AGAP1: variants seen among roughly 807,000 people sequenced by gnomAD.
AGAP1 encodes the protein arf-GAP with GTPase, ANK repeat and PH domain-containing protein 1.
AGAP1 carries 29 observed loss-of-function variants against 105.3 expected under a neutral mutation model. That is an observed-to-expected ratio of 0.28 (90% CI 0.21 to 0.38). AGAP1 has a LOEUF of 0.38. AGAP1 is among the 10% of genes least tolerant of loss of function. The pLI is 1.00. For missense variants in AGAP1, 998 were observed against 1,165.1 expected (o/e 0.86, Z 2.09); for synonymous variants, 509 against 485.9 (o/e 1.05, Z -0.63).
intron 8 of AGAP1, among the ~76,000 whole-genome samples, chr2:235,802,623 A>G (rs1957546643): frequency 6.7e-6 from 1 of 150,250 alleles, no homozygotes; most frequent in South Asian, 2.1e-4. Flanking sequence ...ACACTGAACA[A>G]AATGATGGTG....
At chr2:236,070,896 A>T (rs1320621384) in intron 16 of AGAP1, among the ~76,000 whole-genome samples, 1 of 152,202 alleles carries the variant, frequency 6.6e-6, no homozygotes, top group Non-Finnish European at 1.5e-5. Context: ...GAAAAATGCT[A>T]AAACCATTGA....
intron 16 of AGAP1, among the ~76,000 whole-genome samples, chr2:236,097,996 T>A (rs538077996): frequency 6.6e-6 from 1 of 152,204 alleles, no homozygotes; most frequent in African/African-American, 2.4e-5. Context: ...AGAATTTCTG[T>A]CCCTGAATAT....
chr2:235,720,955 T>C lies in AGAP1; in HGVS notation c.310+3311T>C, dbSNP rs1469300400. On this transcript the variant is annotated intron_variant, in intron 3 of 17. Transcript: ENST00000304032. The surrounding 1 kb of genome is among the most constrained non-coding windows in gnomAD (Gnocchi z 5.0). Reference sequence around the variant, plus strand: ...GTTGTATGATGCATTTTGGTTGATATTTTATTCTTGTAGTGAAGAGAGCCA... The same window carrying C: ...GTTGTATGATGCATTTTGGTTGATACTTTATTCTTGTAGTGAAGAGAGCCA... Among the ~76,000 whole-genome samples the C allele has an allele frequency of 6.6e-6, 1 of 152,220 alleles. No individual in the cohort carries two copies. The highest frequency in any genetic ancestry group is 2.4e-5 in the African/African-American group (1 of 41,464).
rs529050656 is a variant in AGAP1, at chr2:235,908,919, C to T, written c.1324+13C>T. 16 of 1,601,044 alleles carry T rather than the reference C, an allele frequency of 1.0e-5. No individual in the cohort carries two copies. In the South Asian group the frequency reaches 1.7e-4, roughly 17 times the overall value. Reference sequence around the variant, plus strand: ...TCACCCAATTCAGGTAAGCTTACAGCAAATGCACTAACAAATCAAGTTCAA... The same window carrying T: ...TCACCCAATTCAGGTAAGCTTACAGTAAATGCACTAACAAATCAAGTTCAA... On this transcript the variant is annotated intron_variant, in intron 11 of 17. Transcript: ENST00000304032. This position sits in a 1 kb window ranked among gnomAD's most constrained non-coding sequence, Gnocchi z 4.4.
rs544023160 is a variant in AGAP1 at position 235,712,496 on chromosome 2, C to T, written c.222+3259C>T. Among the ~76,000 whole-genome samples the T allele has an allele frequency of 6.6e-6, 1 of 152,340 alleles. No homozygotes were observed. Among genetic ancestry groups the T allele is most frequent in the African/African-American group, 2.4e-5 (1 of 41,574 alleles). ...CTTGCCTGTGTAGGGGACCTCAGTCCCCAGCTCCTCACATCCTATTTGTGT... is the reference window on the plus strand; with the variant it reads ...CTTGCCTGTGTAGGGGACCTCAGTCTCCAGCTCCTCACATCCTATTTGTGT... On this transcript the variant is annotated intron_variant, in intron 2 of 17. Transcript: ENST00000304032. This position sits in a 1 kb window ranked among gnomAD's most constrained non-coding sequence, Gnocchi z 6.0.
chr2:235,710,472 G>A (rs980432298), intron 2 of AGAP1, among the ~76,000 whole-genome samples: 5 of 152,294 alleles, frequency 3.3e-5, no homozygotes, highest in Middle Eastern at 6.8e-3. Context: ...GTCATCAGCT[G>A]GGCCCATCTC....
chr2:235,579,472 A>G (rs1161061202), intron 1 of AGAP1, among the ~76,000 whole-genome samples: 2 of 152,150 alleles, frequency 1.3e-5, no homozygotes, highest in African/African-American at 4.8e-5. Context: ...ACATAAAGTT[A>G]AGCATTTAAA....
In AGAP1 at chr2:235,639,207, T is replaced by C. The variant is rs1374854656; in HGVS notation, c.164-69972T>C. ...TTGAGAGAGGGGATGGGTTCAGCTT[T>C]GGCCATGCTGTTGTGAGTCTGTGGT... On this transcript the variant is annotated intron_variant, in intron 1 of 17. Coordinates refer to ENST00000304032, the MANE Select transcript of AGAP1 (RefSeq NM_001037131.3). This position sits in a 1 kb window ranked among gnomAD's most constrained non-coding sequence, Gnocchi z 5.3. 6.6e-6 allele frequency among the ~76,000 whole-genome samples: 1 copy of C among 152,116 alleles called. No homozygotes were observed. Among genetic ancestry groups the C allele is most frequent in the Non-Finnish European group, 1.5e-5 (1 of 68,024 alleles).
At chr2:235,800,731 A>G (rs566147219) in intron 8 of AGAP1, among the ~76,000 whole-genome samples, 1 of 152,324 alleles carries the variant, frequency 6.6e-6, no homozygotes, top group East Asian at 1.9e-4. Context: ...CAACAGGAGT[A>G]TGGGAGTGGG....
rs560515846 is a variant in AGAP1 at position 236,039,004 on chromosome 2, T to C, written c.1801-1747T>C. Among the ~76,000 whole-genome samples, 5 of 152,336 alleles carry C rather than the reference T, an allele frequency of 3.3e-5. No individual in the cohort carries two copies. The South Asian group carries it at 1.0e-3, about 32-fold the overall frequency. On this transcript the variant is annotated intron_variant, in intron 14 of 17. Coordinates refer to ENST00000304032, the MANE Select transcript of AGAP1 (RefSeq NM_001037131.3). ...ATAATTTATTATGTAGCAAGTAATA[T>C]ATTATTTCACATCAATTTGATGAGA...
At chr2:235,511,267 C>T (rs370505386) in intron 1 of AGAP1, among the ~76,000 whole-genome samples, 95 of 152,130 alleles carry the variant, frequency 6.2e-4, no homozygotes, top group African/African-American at 2.2e-3. Context: ...CTCTGGTGCA[C>T]GATTCTGTTT....
rs1952126143 is a variant in AGAP1, at chr2:235,734,450, G to A, written c.311-6513G>A. 6.6e-6 allele frequency among the ~76,000 whole-genome samples: 1 copy of A among 151,150 alleles called. No individual in the cohort carries two copies. The highest frequency in any genetic ancestry group is 2.4e-5 in the African/African-American group (1 of 41,050). ...CTGCCATGAGGTCCCTCCCCTCTCTGATGGCAAAGGGAAACAGTGGGCTCT... is the reference window on the plus strand; with the variant it reads ...CTGCCATGAGGTCCCTCCCCTCTCTAATGGCAAAGGGAAACAGTGGGCTCT... On this transcript the variant is annotated intron_variant, in intron 3 of 17. Coordinates refer to ENST00000304032, the MANE Select transcript of AGAP1 (RefSeq NM_001037131.3). The surrounding 1 kb of genome is among the most constrained non-coding windows in gnomAD (Gnocchi z 5.3).
chr2:235,873,363 C>T (rs2049538618), intron 9 of AGAP1, among the ~76,000 whole-genome samples: 1 of 152,240 alleles, frequency 6.6e-6, no homozygotes, highest in Middle Eastern at 3.2e-3. Flanking sequence ...TGGCCTCCTG[C>T]TTCTGAAGCC....
intron 1 of AGAP1, among the ~76,000 whole-genome samples, chr2:235,520,904 G>T (rs1016088308): frequency 6.6e-6 from 1 of 152,136 alleles, no homozygotes; most frequent in Non-Finnish European, 1.5e-5. Flanking sequence ...CATCTTCTGC[G>T]TGTGGAAGCA....
intron 9 of AGAP1, among the ~76,000 whole-genome samples, chr2:235,820,951 G>C (rs752034371): frequency 5.5e-4 from 83 of 152,210 alleles, no homozygotes; most frequent in Non-Finnish European, 1.1e-3. Flanking sequence ...CTATAGTCCT[G>C]AAACTTGACC....
intron 13 of AGAP1, among the ~76,000 whole-genome samples, chr2:235,996,590 C>G (rs928948459): frequency 6.6e-6 from 1 of 152,194 alleles, no homozygotes; most frequent in African/African-American, 2.4e-5. Flanking sequence ...TAGAGCCAGC[C>G]CCTGCCAGCT....
chr2:235,623,151 T>A lies in AGAP1; in HGVS notation c.164-86028T>A, dbSNP rs944991991. Among the ~76,000 whole-genome samples the A allele has an allele frequency of 4.5e-4, 69 of 152,224 alleles. No homozygotes were observed. The highest frequency in any genetic ancestry group is 1.6e-3 in the African/African-American group (68 of 41,456). ...CTGCTACAGCTATGATATTTTAAAATCAATGGGCCTTTCCTTTCATTTCGA... is the reference window on the plus strand; with the variant it reads ...CTGCTACAGCTATGATATTTTAAAAACAATGGGCCTTTCCTTTCATTTCGA... On this transcript the variant is annotated intron_variant, in intron 1 of 17. Transcript: ENST00000304032. The surrounding 1 kb of genome is among the most constrained non-coding windows in gnomAD (Gnocchi z 4.5).
intron 11 of AGAP1, among the ~76,000 whole-genome samples, chr2:235,923,902 G>T (rs959171857): frequency 2.6e-5 from 4 of 152,220 alleles, no homozygotes; most frequent in Non-Finnish European, 5.9e-5. Context: ...AAGTGGACTT[G>T]AAATGTTTTA....
rs958356829 is a variant in AGAP1 at position 235,732,933 on chromosome 2, C to T, written c.311-8030C>T. Among the ~76,000 whole-genome samples the T allele has an allele frequency of 1.3e-5, 2 of 152,188 alleles. No homozygotes were observed. The highest frequency in any genetic ancestry group is 4.8e-5 in the African/African-American group (2 of 41,458). On this transcript the variant is annotated intron_variant, in intron 3 of 17. Transcript: ENST00000304032. This position sits in a 1 kb window ranked among gnomAD's most constrained non-coding sequence, Gnocchi z 4.8. ...CAGCCAGCCCCAGGGGTGTTGGGGG[C>T]ATCTTTCGAGTCTCACTGCCCACGC...
Sources: allele counts gnomAD v4.1 joint callset (sites outside exome capture counted in the v4.1 genomes callset), GRCh38; gene constraint gnomAD v4.1.1; non-coding constraint Gnocchi (gnomAD v3.1); transcripts MANE v1.5; gene names NCBI Gene and HGNC (gene_info 2026-07-23, HGNC 2026-07-21).